The following TAOK1 variants were observed in gnomAD, a reference collection of about 807,000 sequenced individuals.
TAOK1 encodes serine/threonine-protein kinase TAO1.
TAOK1 carries 21 observed loss-of-function variants against 138.3 expected under a neutral mutation model. The observed-to-expected ratio is 0.15, with a 90% CI of 0.11 to 0.22. TAOK1 has a LOEUF of 0.22. Ranked by LOEUF, TAOK1 falls within the 10% of genes least tolerant of loss-of-function variation. The pLI is 1.00. For missense variants in TAOK1, 651 were observed against 1,227.7 expected (o/e 0.53, Z 7.02); for synonymous variants, 361 against 398.4 (o/e 0.91, Z 1.12).
intron 1 of TAOK1, among the ~76,000 whole-genome samples, chr17:29,394,150 G>GTATT (rs1904514249): frequency 2.1e-5 from 1 of 48,246 alleles, no homozygotes; most frequent in Non-Finnish European, 3.6e-5. Flanking sequence ...TAATTTGCCA[G>GTATT]TTTTTTTTTT....
intron 1 of TAOK1, among the ~76,000 whole-genome samples, chr17:29,401,497 C>T (rs1481784476): frequency 1.3e-5 from 2 of 152,142 alleles, no homozygotes; most frequent in African/African-American, 4.8e-5. Flanking sequence ...TTTCCAACAA[C>T]AGTAGCTCTT....
chr17:29,450,477 C>G (rs2153024164), intron 1 of TAOK1, among the ~76,000 whole-genome samples: 1 of 152,142 alleles, frequency 6.6e-6, no homozygotes, highest in South Asian at 2.1e-4. Context: ...ATTCCAGAGT[C>G]CAGGTTCCAA....
chr17:29,480,282 C>A, intron 6 of TAOK1, 86 bp from the exon 7 acceptor site: 2 of 908,766 alleles, frequency 2.2e-6, no homozygotes, highest in Non-Finnish European at 3.3e-6. Context: ...CTTTCTCTAT[C>A]CTATGAATTC....
At position 29,543,169 on chromosome 17, in the gene TAOK1, C is replaced by T. The variant is rs1415700272; in HGVS notation, c.*147C>T. ...ATTTTATTCATTTTTGTAAAGCGTT[C>T]TGTTTTGTGTTTACTAATTGGGATG... On this transcript the variant is annotated 3_prime_UTR_variant, in exon 20 of 20. Coordinates refer to ENST00000261716, the MANE Select transcript of TAOK1 (RefSeq NM_020791.4). The T allele has an allele frequency of 5.4e-6, 4 of 737,990 alleles. No homozygotes were observed. Among genetic ancestry groups the T allele is most frequent in the Non-Finnish European group, 8.4e-6 (4 of 476,188 alleles). The allele number at this position is 737,990 out of a possible 1,614,324, so 45.7% of individuals were successfully genotyped here.
At chr17:29,502,471 C>A in intron 12 of TAOK1, 118 bp from the exon 13 acceptor site, 1 of 1,228,338 alleles carries the variant, frequency 8.1e-7, no homozygotes, top group Non-Finnish European at 1.1e-6. Context: ...TTTGGCTTTG[C>A]TTTTTAAAAT....
chr17:29,498,188 C>T (rs888203592), intron 11 of TAOK1, 130 bp from the exon 12 acceptor site: 1 of 834,032 alleles, frequency 1.2e-6, no homozygotes, highest in Admixed American at 2.8e-5. Flanking sequence ...AAAATAAAAG[C>T]AATTTCTCAT....
rs11871003 is a variant in TAOK1 at position 29,411,377 on chromosome 17, C to T, written c.-95+20353C>T. The stretch of plus-strand genomic sequence containing the variant: ...AAGTGCTGGGATTACAGGCGTGAGC[C>T]ACCGCGCCCGGCCTTCTTTTTACTG... On this transcript the variant is annotated intron_variant, in intron 1 of 19. Coordinates refer to ENST00000261716, the MANE Select transcript of TAOK1 (RefSeq NM_020791.4). 1.3e-3 allele frequency among the ~76,000 whole-genome samples: 195 copies of T among 151,980 alleles called. 1 individual carries two copies. Among genetic ancestry groups the T allele is most frequent in the Non-Finnish European group, 2.5e-3 (170 of 67,980 alleles).
intron 17 of TAOK1, among the ~76,000 whole-genome samples, chr17:29,528,212 G>C (rs986597827): frequency 6.6e-6 from 1 of 152,010 alleles, no homozygotes; most frequent in Non-Finnish European, 1.5e-5. Flanking sequence ...ACCACACCGG[G>C]CTAATTTTTG....
chr17:29,467,316 C>T (rs972555477), intron 3 of TAOK1, 100 bp downstream of exon 3: 1 of 598,062 alleles, frequency 1.7e-6, no homozygotes, highest in Non-Finnish European at 2.5e-6. Flanking sequence ...CTCTGTAGCC[C>T]AGGCTGGAGT....
chr17:29,395,280 C>T (rs944697503), intron 1 of TAOK1, among the ~76,000 whole-genome samples: 6 of 152,040 alleles, frequency 3.9e-5, no homozygotes, highest in Non-Finnish European at 8.8e-5. Context: ...CCTGTAATTC[C>T]AGCACTTTGG....
At chr17:29,429,038 T>C (rs928721554) in intron 1 of TAOK1, among the ~76,000 whole-genome samples, 1 of 152,114 alleles carries the variant, frequency 6.6e-6, no homozygotes, top group African/African-American at 2.4e-5. Flanking sequence ...TTTGATTATT[T>C]TTTTGTTTGA....
chr17:29,479,719 G>GC (rs2031020020), intron 6 of TAOK1, among the ~76,000 whole-genome samples: 2 of 152,054 alleles, frequency 1.3e-5, no homozygotes, highest in Non-Finnish European at 2.9e-5. Flanking sequence ...GAATGATTAA[G>GC]TATATATTAT....
intron 9 of TAOK1, among the ~76,000 whole-genome samples, chr17:29,491,327 T>C (rs1470305564): frequency 6.6e-6 from 1 of 152,142 alleles, no homozygotes; most frequent in Non-Finnish European, 1.5e-5. Context: ...CACCAAATAC[T>C]CAGGTATAAA....
intron 1 of TAOK1, among the ~76,000 whole-genome samples, chr17:29,413,688 A>G (rs4794855): frequency 0.16 from 24,348 of 152,092 alleles, 2,072 homozygotes; most frequent in Admixed American, 0.21. Flanking sequence ...TACTGTATGT[A>G]TGTTCCAAAG....
chr17:29,413,881 CTTTTTTTT>C (rs34539579), intron 1 of TAOK1, among the ~76,000 whole-genome samples: 6 of 101,250 alleles, frequency 5.9e-5, no homozygotes, highest in South Asian at 3.6e-4. Flanking sequence ...TTTCTGGCTT[CTTTTTTTT>C]TTTTTTTTTT....
chr17:29,439,448 C>T (rs944834818), intron 1 of TAOK1, among the ~76,000 whole-genome samples: 8 of 152,004 alleles, frequency 5.3e-5, no homozygotes, highest in East Asian at 1.9e-4. Context: ...TGTGATCTGC[C>T]GGCTTCGGCC....
chr17:29,475,908 C>G (rs2030932795), intron 4 of TAOK1, 137 bp downstream of exon 4: 2 of 690,886 alleles, frequency 2.9e-6, no homozygotes, highest in Middle Eastern at 2.9e-4. Context: ...AGAAAACAAG[C>G]AATATTTCCT....
chr17:29,504,276 CAAAAAAA>C (rs71138826), intron 13 of TAOK1, among the ~76,000 whole-genome samples: 2 of 40,848 alleles, frequency 4.9e-5, no homozygotes, highest in Non-Finnish European at 8.8e-5. Flanking sequence ...GACCCTGTCT[CAAAAAAA>C]AAAAAAAAAA....
rs1256280097 is a variant in TAOK1, at chr17:29,544,953, A to G, written c.*1931A>G. 1.3e-5 allele frequency: 2 copies of G among 152,194 alleles called. No individual in the cohort carries two copies. The highest frequency in any genetic ancestry group is 6.5e-5 in the Admixed American group (1 of 15,278). The allele number at this position is 152,194 out of a possible 1,614,324, so 9.4% of individuals were successfully genotyped here. A position where few individuals can be genotyped will look rare whatever the true frequency, so the allele number is the denominator to read the frequency against. ...ACCAAATTTTAAGTCTTTCCCAGGT[A>G]TGTCAGTCGAGTTGCCATGAATCCT... On this transcript the variant is annotated 3_prime_UTR_variant, in exon 20 of 20. Transcript: ENST00000261716.
Sources: gnomAD v4.1 joint callset for allele counts (sites outside exome capture counted in the v4.1 genomes callset) on GRCh38, gnomAD v4.1.1 for gene constraint, MANE v1.5 for transcripts, NCBI Gene and HGNC (gene_info 2026-07-23, HGNC 2026-07-21) for gene names.